The following GRM8 variants were observed in gnomAD, a reference collection of about 807,000 sequenced individuals.
GRM8 encodes metabotropic glutamate receptor 8.
Under a neutral mutation model 87.2 loss-of-function variants are expected in GRM8, and 47 were observed. That is an observed-to-expected ratio of 0.54 (90% CI 0.43 to 0.69). GRM8 has a LOEUF of 0.69. GRM8 is among the 30% of genes least tolerant of loss of function. The pLI is 0.00. For missense variants in GRM8, 1,019 were observed against 1,139.2 expected (o/e 0.89, Z 1.52); for synonymous variants, 396 against 404.5 (o/e 0.98, Z 0.25).
intron 6 of GRM8, among the ~76,000 whole-genome samples, chr7:126,770,905 G>A (rs370293535): frequency 1.5e-4 from 23 of 151,956 alleles, no homozygotes; most frequent in Admixed American, 9.9e-4. Flanking sequence ...GGAAGCATTC[G>A]TAGGTCTCAG....
At chr7:126,719,206 T>C (rs180955126) in intron 7 of GRM8, among the ~76,000 whole-genome samples, 2 of 151,936 alleles carry the variant, frequency 1.3e-5, no homozygotes, top group African/African-American at 4.8e-5. Context: ...TGAGATAATA[T>C]TGATGGGATA....
At chr7:126,994,083 C>T (rs10236120) in intron 3 of GRM8, among the ~76,000 whole-genome samples, 51,115 of 151,958 alleles carry the variant, frequency 0.34, 8,735 homozygotes, top group Non-Finnish European at 0.38. Context: ...GGACTCCTTC[C>T]TTCTACTTGA....
chr7:127,104,066 T>C (rs1268343628), intron 3 of GRM8, among the ~76,000 whole-genome samples: 4 of 152,232 alleles, frequency 2.6e-5, no homozygotes, highest in Admixed American at 6.5e-5. Flanking sequence ...CATTCCATTA[T>C]GATCTGCTTG....
At chr7:127,014,734 A>G (rs1231106607) in intron 3 of GRM8, among the ~76,000 whole-genome samples, 2 of 152,006 alleles carry the variant, frequency 1.3e-5, no homozygotes, top group African/African-American at 2.4e-5. Context: ...ATTATAGGCA[A>G]TTAAATTAGT....
At chr7:127,210,562 C>T (rs1376347994) in intron 2 of GRM8, among the ~76,000 whole-genome samples, 1 of 152,172 alleles carries the variant, frequency 6.6e-6, no homozygotes, top group Non-Finnish European at 1.5e-5. Context: ...AATAAATAAT[C>T]TCTAAGATGT....
At chr7:126,484,149 T>C (rs1186691195) in intron 9 of GRM8, among the ~76,000 whole-genome samples, 1 of 152,092 alleles carries the variant, frequency 6.6e-6, no homozygotes, top group Non-Finnish European at 1.5e-5. Context: ...GTGCACTTGT[T>C]TTGAAGATAA....
At chr7:127,161,718 A>G (rs894630582) in intron 2 of GRM8, among the ~76,000 whole-genome samples, 1 of 152,178 alleles carries the variant, frequency 6.6e-6, no homozygotes, top group Non-Finnish European at 1.5e-5. Flanking sequence ...TCTATAAGAC[A>G]TGAATAAAGA....
At chr7:126,631,830 T>C (rs1207219995) in intron 7 of GRM8, among the ~76,000 whole-genome samples, 9 of 152,210 alleles carry the variant, frequency 5.9e-5, no homozygotes. Flanking sequence ...GCTAGCCATA[T>C]GCAGAAAATT....
intron 3 of GRM8, among the ~76,000 whole-genome samples, chr7:127,021,784 G>A (rs920545347): frequency 6.6e-5 from 10 of 152,082 alleles, no homozygotes; most frequent in African/African-American, 2.4e-4. Context: ...TATTAAGTTT[G>A]TTAGACTGAA....
At chr7:127,082,860 T>G (rs1432539010) in intron 3 of GRM8, among the ~76,000 whole-genome samples, 1 of 152,074 alleles carries the variant, frequency 6.6e-6, no homozygotes, top group East Asian at 1.9e-4. Context: ...CTTGGAGAAA[T>G]CATTTGTCTA....
At chr7:126,577,075 C>T (rs1055833632) in intron 8 of GRM8, among the ~76,000 whole-genome samples, 6 of 152,170 alleles carry the variant, frequency 3.9e-5, no homozygotes, top group African/African-American at 1.4e-4. Flanking sequence ...ACTCACAGTC[C>T]TATTTTTCCA....
chr7:126,835,006 G>T (rs1189326454), intron 6 of GRM8, among the ~76,000 whole-genome samples: 1 of 151,024 alleles, frequency 6.6e-6, no homozygotes, highest in Non-Finnish European at 1.5e-5. Flanking sequence ...AGCCCAGGAG[G>T]TTGAGGCTTC....
intron 2 of GRM8, chr7:127,215,388 T>G (rs1289737481): frequency 6.6e-6 from 1 of 152,184 alleles, no homozygotes; most frequent in Non-Finnish European, 1.5e-5. Flanking sequence ...ATCTTTTCAC[T>G]GAGGGTGTAG....
At chr7:126,439,513 A>G (rs1584604693) in intron 10 of GRM8, among the ~76,000 whole-genome samples, 1 of 152,162 alleles carries the variant, frequency 6.6e-6, no homozygotes, top group East Asian at 1.9e-4. Context: ...GTCATGAAAA[A>G]GCATAGCACA....
At chr7:126,532,466 A>G (rs561591283) in intron 9 of GRM8, among the ~76,000 whole-genome samples, 20 of 152,076 alleles carry the variant, frequency 1.3e-4, no homozygotes, top group Non-Finnish European at 2.4e-4. Flanking sequence ...TTACCAAGCA[A>G]TGGCTTTATC....
intron 9 of GRM8, among the ~76,000 whole-genome samples, chr7:126,450,251 A>C (rs917411832): frequency 6.6e-6 from 1 of 151,854 alleles, no homozygotes; most frequent in Admixed American, 6.6e-5. Context: ...AGACCACCAC[A>C]GACTCTGACA....
rs143362755 is a variant in GRM8 at position 126,944,898 on chromosome 7, T to A, written c.728-40215A>T. 1.6e-3 allele frequency among the ~76,000 whole-genome samples: 250 copies of A among 152,306 alleles called. 1 individual carries two copies. Among genetic ancestry groups the A allele is most frequent in the African/African-American group, 5.8e-3 (242 of 41,578 alleles). On this transcript the variant is annotated intron_variant, in intron 3 of 10. Coordinates refer to ENST00000339582, the MANE Select transcript of GRM8 (RefSeq NM_000845.3). The stretch of plus-strand genomic sequence containing the variant: ...AAAAGATGCTCAACTTCAATAATAA[T>A]CAGAGAAATGTAAAATGACTAACAA...
intron 6 of GRM8, among the ~76,000 whole-genome samples, chr7:126,856,087 A>G (rs1797654002): frequency 6.6e-6 from 1 of 152,152 alleles, no homozygotes; most frequent in Non-Finnish European, 1.5e-5. Context: ...ATATTACTAA[A>G]AATCTACGTT....
intron 2 of GRM8, among the ~76,000 whole-genome samples, chr7:127,199,919 T>C (rs935362828): frequency 2.0e-5 from 3 of 152,222 alleles, no homozygotes; most frequent in Admixed American, 6.5e-5. Context: ...AGCTTTGCTT[T>C]TTTTGCGGAT....
Sources: allele counts gnomAD v4.1 joint callset (sites outside exome capture counted in the v4.1 genomes callset), GRCh38; gene constraint gnomAD v4.1.1; transcripts MANE v1.5; gene names NCBI Gene and HGNC (gene_info 2026-07-23, HGNC 2026-07-21).